The following RIPOR3 variants were observed in gnomAD, a reference collection of about 807,000 sequenced individuals.
The protein encoded by RIPOR3 is RIPOR family member 3.
In RIPOR3, 95 loss-of-function variants were observed where a neutral mutation model predicts 114.3. The observed-to-expected ratio is 0.83, with a 90% CI of 0.70 to 0.99. The LOEUF (loss-of-function observed/expected upper bound fraction) is 0.99. Ranked by LOEUF, RIPOR3 falls within the 50% of genes least tolerant of loss-of-function variation. The probability of loss-of-function intolerance (pLI) is 0.00; values close to 1 mark genes in which losing one functional copy is unlikely to be tolerated. For missense variants in RIPOR3, 1,252 were observed against 1,266.9 expected, an observed-to-expected ratio of 0.99 and a Z score of 0.18; for synonymous variants, 575 against 543.8, an observed-to-expected ratio of 1.06 and a Z score of -0.80.
chr20:50,616,356 G>A (rs2084172903), intron 3 of RIPOR3, among the ~76,000 whole-genome samples: 1 of 152,064 alleles, frequency 6.6e-6, no homozygotes, highest in African/African-American at 2.4e-5. Flanking sequence ...CTTATTTATT[G>A]TTTGAGACAA....
intron 21 of RIPOR3, 49 bp from the exon 22 acceptor site, chr20:50,587,381 T>C (rs2082954179): frequency 6.6e-7 from 1 of 1,516,534 alleles, no homozygotes; most frequent in South Asian, 1.1e-5. Flanking sequence ...GCCTTGGCAC[T>C]TCCAACTCTC....
rs1197377404 is a variant in RIPOR3 at position 50,655,044 on chromosome 20, C to T, written c.4-24188G>A. On this transcript the variant is annotated intron_variant, in intron 1 of 21. Transcript: ENST00000327979. ...GATTATGGGCGTGAGCCACTGCACCCGGCCAACCATTGTTGAGTGAGCAAG... is the reference window on the plus strand; with the variant it reads ...GATTATGGGCGTGAGCCACTGCACCTGGCCAACCATTGTTGAGTGAGCAAG... Among the ~76,000 whole-genome samples the T allele has an allele frequency of 2.0e-5, 3 of 152,370 alleles. 1 individual carries two copies. In the Middle Eastern group the frequency reaches 0.01, roughly 518 times the overall value.
intron 12 of RIPOR3, among the ~76,000 whole-genome samples, chr20:50,603,237 G>A (rs78247831): frequency 0.013 from 1,988 of 152,224 alleles, 31 homozygotes; most frequent in East Asian, 0.034. Flanking sequence ...ATATAGTTTC[G>A]GTTTTTGTTT....
At chr20:50,598,756 T>A (rs1260813806) in intron 13 of RIPOR3, among the ~76,000 whole-genome samples, 3 of 151,708 alleles carry the variant, frequency 2.0e-5, no homozygotes, top group African/African-American at 7.3e-5. Context: ...AATACAAAAA[T>A]TAGCCGGGTG....
intron 1 of RIPOR3, among the ~76,000 whole-genome samples, chr20:50,655,081 A>C (rs922086791): frequency 6.6e-6 from 1 of 152,238 alleles, no homozygotes; most frequent in African/African-American, 2.4e-5. Flanking sequence ...AAATGAACTC[A>C]TCAACGAATT....
chr20:50,634,507 C>T (rs1478561730), intron 1 of RIPOR3, among the ~76,000 whole-genome samples: 2 of 152,116 alleles, frequency 1.3e-5, no homozygotes, highest in African/African-American at 4.8e-5. Context: ...TTGTCTATCT[C>T]TCCATCCTAG....
rs941163991 is a variant in RIPOR3 at position 50,630,725 on chromosome 20, G to A, written c.122+13C>T. 2.6e-5 allele frequency: 41 copies of A among 1,592,426 alleles called. No homozygotes were observed. The highest frequency in any genetic ancestry group is 6.8e-5 in the South Asian group (6 of 88,452). ...ACCCCTGCACCCCGAAACAGGACAC[G>A]GGGGGAACTTACGCGATCCTCCGGC... On this transcript the variant is annotated intron_variant, in intron 2 of 21. Coordinates refer to ENST00000327979, the MANE Select transcript of RIPOR3 (RefSeq NM_001290268.2).
rs199949821 is a variant in RIPOR3, at chr20:50,608,713, C to T, written c.710G>A (p.Arg237His). Residue 237 changes from arginine (R) to histidine (H), a missense_variant, in exon 10 of 22, where the codon CGT becomes CAT. Arg to His is a conservative substitution (Grantham distance 29). Coordinates refer to ENST00000327979, the MANE Select transcript of RIPOR3 (RefSeq NM_001290268.2). ...YEVLMRLGRQ[R>H]WKLKGRIESD... ...CTCGATCCGACCCTTGAGCTTCCAA[C>T]GCTGGCGGCCCAGACGCATGAGCAC... 3.7e-5 allele frequency: 60 copies of T among 1,613,932 alleles called. No individual in the cohort carries two copies. The highest frequency in any genetic ancestry group is 1.3e-4 in the East Asian group (6 of 44,888).
Position 50,586,948 on chromosome 20 carries a change from C to T in RIPOR3, c.*284G>A. The T allele has an allele frequency of 2.7e-6, 1 of 363,666 alleles. No homozygotes were observed. The highest frequency in any genetic ancestry group is 5.1e-6 in the Non-Finnish European group (1 of 196,934). The allele number at this position is 363,666 out of a possible 1,614,324, so 22.5% of individuals were successfully genotyped here. ...GGCCACCTAGTTTGGCTCAGCTCTG[C>T]ATCTCGGGGAAGGTCACACAGACCC... On this transcript the variant is annotated 3_prime_UTR_variant, in exon 22 of 22. Transcript: ENST00000327979.
Position 50,593,039 on chromosome 20 carries a change from C to T in RIPOR3, c.2370G>A (p.Lys790=). 6.2e-7 allele frequency: 1 copy of T among 1,614,012 alleles called. No individual in the cohort carries two copies. Among genetic ancestry groups the T allele is most frequent in the Non-Finnish European group, 8.5e-7 (1 of 1,180,008 alleles). Residue 790 remains lysine (K), a synonymous_variant, in exon 18 of 22, where the codon AAG becomes AAA. Coordinates refer to ENST00000327979, the MANE Select transcript of RIPOR3 (RefSeq NM_001290268.2). The part of the protein sequence containing the change: ...DLEKHFTQLT[K]EVTLIEELHC... ...AGCCACCCACCCCAGTCTTACCTTC[C>T]TTGGTGAGCTGGGTGAAGTGCTTCT...
At chr20:50,668,817 A>C (rs781345516) in intron 1 of RIPOR3, among the ~76,000 whole-genome samples, 5 of 152,116 alleles carry the variant, frequency 3.3e-5, no homozygotes, top group Non-Finnish European at 7.4e-5. Context: ...AGATCAAGCC[A>C]CTGCCCTCCA....
At chr20:50,684,895 T>C (rs920194342) in intron 1 of RIPOR3, among the ~76,000 whole-genome samples, 20 of 152,150 alleles carry the variant, frequency 1.3e-4, no homozygotes, top group Admixed American at 1.3e-4. Flanking sequence ...CCTACCTCAG[T>C]TTCCCGAGTA....
In RIPOR3 at chr20:50,630,724, CG is replaced by C; in HGVS notation, c.122+13del. 2.5e-6 allele frequency: 4 copies of C among 1,592,374 alleles called. No homozygotes were observed. Among genetic ancestry groups the C allele is most frequent in the South Asian group, 2.3e-5 (2 of 88,280 alleles). ...CACCCCTGCACCCCGAAACAGGACACGGGGGGAACTTACGCGATCCTCCGGC... is the reference window on the plus strand; with the variant it reads ...CACCCCTGCACCCCGAAACAGGACACGGGGGAACTTACGCGATCCTCCGGC... On this transcript the variant is annotated intron_variant, in intron 2 of 21. Transcript: ENST00000327979.
rs371865919 is a variant in RIPOR3, at chr20:50,686,394, T to TA, written c.3+4731dup. On this transcript the variant is annotated intron_variant, in intron 1 of 21. Transcript: ENST00000327979. ...CTTAACAGGGGTGGCCCAGGGTGAGTATAGGAGCTACTGAGGTTTAAACTC... is the reference window on the plus strand; with the variant it reads ...CTTAACAGGGGTGGCCCAGGGTGAGTAATAGGAGCTACTGAGGTTTAAACTC... Among the ~76,000 whole-genome samples the TA allele has an allele frequency of 2.6e-3, 391 of 151,748 alleles. 6 individuals carry two copies. The highest frequency in any genetic ancestry group is 8.8e-3 in the African/African-American group (362 of 41,324).
At chr20:50,635,714 A>G (rs940536883) in intron 1 of RIPOR3, among the ~76,000 whole-genome samples, 1 of 152,214 alleles carries the variant, frequency 6.6e-6, no homozygotes, top group African/African-American at 2.4e-5. Flanking sequence ...AAGGAAACCG[A>G]GGCTCAGAGA....
chr20:50,611,727 A>G (rs989097490), intron 4 of RIPOR3, among the ~76,000 whole-genome samples: 4 of 152,138 alleles, frequency 2.6e-5, no homozygotes, highest in South Asian at 4.1e-4. Flanking sequence ...CACAAATAAT[A>G]TATCATCAGG....
chr20:50,589,658 G>A (rs1364337594), intron 20 of RIPOR3, 28 bp downstream of exon 20: 1 of 1,609,274 alleles, frequency 6.2e-7, no homozygotes, highest in South Asian at 1.1e-5. Context: ...TTTTCTATCA[G>A]CCACTAATGG....
intron 18 of RIPOR3, 119 bp from the exon 19 acceptor site, chr20:50,592,665 T>A (rs975646320): frequency 1.1e-6 from 1 of 945,000 alleles, no homozygotes; most frequent in African/African-American, 1.7e-5. Flanking sequence ...CCCACCGGGA[T>A]GATCACCAAG....
intron 6 of RIPOR3, among the ~76,000 whole-genome samples, chr20:50,610,450 G>A (rs932977467): frequency 1.1e-4 from 17 of 152,196 alleles, no homozygotes; most frequent in African/African-American, 3.9e-4. Flanking sequence ...ACCGTTTGCA[G>A]ACTCTAAAGC....
Sources: allele counts gnomAD v4.1 joint callset (sites outside exome capture counted in the v4.1 genomes callset), GRCh38; gene constraint gnomAD v4.1.1; transcripts MANE v1.5; gene names NCBI Gene and HGNC (gene_info 2026-07-23, HGNC 2026-07-21).